IGF2BP3: variants seen among roughly 807,000 people sequenced by gnomAD.
The protein encoded by IGF2BP3 is insulin like growth factor 2 mRNA binding protein 3, also known as insulin-like growth factor 2 mRNA-binding protein 3.
IGF2BP3 carries 9 observed loss-of-function variants against 73.8 expected under a neutral mutation model. The ratio of observed to expected loss-of-function variants is 0.12; its 90% CI spans 0.07 to 0.21. The LOEUF (loss-of-function observed/expected upper bound fraction) is 0.21. Among genes scored for constraint, IGF2BP3 ranks in the 10% least tolerant of loss-of-function variants. The probability of loss-of-function intolerance (pLI) is 1.00; values close to 1 mark genes in which losing one functional copy is unlikely to be tolerated. For synonymous variants in IGF2BP3, 258 were observed against 256.7 expected (o/e 1.01, Z -0.05); for missense variants, 542 against 714.0 (o/e 0.76, Z 2.75).
At chr7:23,464,161 T>C (rs528238084) in intron 2 of IGF2BP3, among the ~76,000 whole-genome samples, 2 of 152,342 alleles carry the variant, frequency 1.3e-5, no homozygotes, top group South Asian at 4.1e-4. Flanking sequence ...AATGGGCACG[T>C]TGCTGGTCAT....
chr7:23,393,952 T>A (rs1419759004), intron 3 of IGF2BP3, among the ~76,000 whole-genome samples: 1 of 152,156 alleles, frequency 6.6e-6, no homozygotes, highest in Non-Finnish European at 1.5e-5. Flanking sequence ...AGTCGAGTTA[T>A]TAGGAGGGTA....
chr7:23,455,954 G>A (rs549939522), intron 2 of IGF2BP3, among the ~76,000 whole-genome samples: 1 of 152,066 alleles, frequency 6.6e-6, no homozygotes, highest in Non-Finnish European at 1.5e-5. Context: ...GAAAGTGCTG[G>A]GATTACAGGC....
intron 3 of IGF2BP3, among the ~76,000 whole-genome samples, chr7:23,366,836 C>A (rs1785387122): frequency 6.6e-6 from 1 of 152,136 alleles, no homozygotes; most frequent in African/African-American, 2.4e-5. Flanking sequence ...ATGACTTGAA[C>A]TGTACTATAG....
intron 3 of IGF2BP3, among the ~76,000 whole-genome samples, chr7:23,364,587 G>A (rs376638396): frequency 6.8e-6 from 1 of 146,956 alleles, no homozygotes; most frequent in South Asian, 2.2e-4. Flanking sequence ...AGGTTGGGGG[G>A]TGGGGGGTGG....
At chr7:23,372,950 G>T (rs1275474020) in intron 3 of IGF2BP3, among the ~76,000 whole-genome samples, 1 of 152,172 alleles carries the variant, frequency 6.6e-6, no homozygotes, top group Non-Finnish European at 1.5e-5. Context: ...CTGGAGAAAT[G>T]ATTCAAACTC....
At chr7:23,450,497 T>C (rs1788172313) in intron 2 of IGF2BP3, among the ~76,000 whole-genome samples, 1 of 152,158 alleles carries the variant, frequency 6.6e-6, no homozygotes, top group African/African-American at 2.4e-5. Flanking sequence ...AAAACTTCTA[T>C]CTATTACCAA....
At chr7:23,337,122 TAGTGAAG>T (rs1265996208) in intron 10 of IGF2BP3, among the ~76,000 whole-genome samples, 1 of 152,136 alleles carries the variant, frequency 6.6e-6, no homozygotes. Flanking sequence ...AGTCTAAAAA[TAGTGAAG>T]GCAAAGCTAT....
intron 3 of IGF2BP3, among the ~76,000 whole-genome samples, chr7:23,390,943 C>T (rs1310032463): frequency 6.6e-6 from 1 of 151,406 alleles, no homozygotes; most frequent in African/African-American, 2.4e-5. Context: ...GGATCACAAG[C>T]ACCCACCACT....
intron 12 of IGF2BP3, among the ~76,000 whole-genome samples, chr7:23,316,624 G>C (rs1783995955): frequency 7.0e-6 from 1 of 142,160 alleles, no homozygotes; most frequent in South Asian, 2.3e-4. Context: ...GCAGTGAGCT[G>C]AGATCACGCC....
At chr7:23,330,741 T>A (rs1028402812) in intron 10 of IGF2BP3, among the ~76,000 whole-genome samples, 1 of 151,808 alleles carries the variant, frequency 6.6e-6, no homozygotes, top group African/African-American at 2.4e-5. Flanking sequence ...TTTATAGCGG[T>A]GTGAAAACAG....
chr7:23,318,042 G>A (rs1401353053), intron 11 of IGF2BP3, among the ~76,000 whole-genome samples: 4 of 152,168 alleles, frequency 2.6e-5, no homozygotes, highest in African/African-American at 9.7e-5. Flanking sequence ...TCTGGACCAT[G>A]ATCACACAGC....
intron 6 of IGF2BP3, among the ~76,000 whole-genome samples, chr7:23,350,143 T>C (rs1192606889): frequency 1.3e-5 from 2 of 152,190 alleles, no homozygotes; most frequent in African/African-American, 2.4e-5. Context: ...ACATGAGAAA[T>C]GGGTCAGCTA....
At chr7:23,466,571 G>C (rs1788571376) in intron 2 of IGF2BP3, among the ~76,000 whole-genome samples, 1 of 152,192 alleles carries the variant, frequency 6.6e-6, no homozygotes, top group Non-Finnish European at 1.5e-5. Context: ...AATACTTGCT[G>C]TCACTGGTGA....
rs550584316 is a variant in IGF2BP3, at chr7:23,464,298, C to T, written c.236+4184G>A. 2.6e-5 allele frequency among the ~76,000 whole-genome samples: 4 copies of T among 152,314 alleles called. No homozygotes were observed. In the South Asian group the frequency reaches 8.3e-4, roughly 32 times the overall value. ...AGTTCTATCCAATTTACATTTTAAA[C>T]ACAAGACTAATATGGAAATAAGTTC... On this transcript the variant is annotated intron_variant, in intron 2 of 14. Coordinates refer to ENST00000258729, the MANE Select transcript of IGF2BP3 (RefSeq NM_006547.3).
rs917713574 is a variant in IGF2BP3, at chr7:23,389,690, G to T, written c.286-27949C>A. Among the ~76,000 whole-genome samples the T allele has an allele frequency of 2.6e-5, 4 of 152,090 alleles. No individual in the cohort carries two copies. The East Asian group carries it at 7.7e-4, about 29-fold the overall frequency. On this transcript the variant is annotated intron_variant, in intron 3 of 14. Coordinates refer to ENST00000258729, the MANE Select transcript of IGF2BP3 (RefSeq NM_006547.3). ...GAGAAAAGAAGCCATGAATAGAACT[G>T]AGAGTCAAAAATAAATGGTCAGGCT...
At chr7:23,394,957 C>A (rs868156881) in intron 3 of IGF2BP3, among the ~76,000 whole-genome samples, 1 of 152,184 alleles carries the variant, frequency 6.6e-6, no homozygotes, top group African/African-American at 2.4e-5. Context: ...GTGCACAGAA[C>A]ATGCTCAGAA....
intron 12 of IGF2BP3, 64 bp from the exon 13 acceptor site, chr7:23,313,717 TGAAAG>T: frequency 8.4e-6 from 13 of 1,546,344 alleles, no homozygotes; most frequent in Non-Finnish European, 1.1e-5. Context: ...TCAGTTAACT[TGAAAG>T]ATGGCCCAAA....
At chr7:23,427,365 A>G (rs561533671) in intron 2 of IGF2BP3, among the ~76,000 whole-genome samples, 1 of 152,232 alleles carries the variant, frequency 6.6e-6, no homozygotes, top group South Asian at 2.1e-4. Flanking sequence ...TCACTCCCCA[A>G]TTCATTCTTC....
chr7:23,432,130 T>C (rs1158468147), intron 2 of IGF2BP3, among the ~76,000 whole-genome samples: 3 of 152,220 alleles, frequency 2.0e-5, no homozygotes, highest in African/African-American at 7.2e-5. Context: ...AACAGAGGTA[T>C]ATTTTATCTT....
Sources: allele counts gnomAD v4.1 joint callset (sites outside exome capture counted in the v4.1 genomes callset), GRCh38; gene constraint gnomAD v4.1.1; transcripts MANE v1.5; gene names NCBI Gene and HGNC (gene_info 2026-07-23, HGNC 2026-07-21).